BMPR2: variants seen among roughly 807,000 people sequenced by gnomAD.
The protein encoded by BMPR2 is bone morphogenetic protein receptor type 2.
A neutral mutation model predicts 100.8 loss-of-function variants in BMPR2; 29 were observed. The ratio of observed to expected loss-of-function variants is 0.29; its 90% confidence interval spans 0.21 to 0.39. The LOEUF (loss-of-function observed/expected upper bound fraction) is 0.39, where lower values mean the gene tolerates loss of function less well. Ranked by LOEUF, BMPR2 falls within the 10% of genes least tolerant of loss-of-function variation. The pLI is 1.00. For synonymous variants in BMPR2, 382 were observed against 442.3 expected, an observed-to-expected ratio of 0.86 and a Z score of 1.71; for missense variants, 1,011 against 1,274.5, an observed-to-expected ratio of 0.79 and a Z score of 3.15.
At chr2:202,393,547 C>T (rs1242937508) in intron 1 of BMPR2, among the ~76,000 whole-genome samples, 1 of 152,150 alleles carries the variant, frequency 6.6e-6, no homozygotes, top group African/African-American at 2.4e-5. Flanking sequence ...CCTCCTGACT[C>T]AGCCTCCCAA....
In BMPR2 at chr2:202,376,531, G is replaced by C. The variant is rs1318089040; in HGVS notation, c.-944G>C. ...GAACGAGGCGGCGGCGGCGGCGGCG[G>C]CGGCGGCGGCGGCGGCAGCAGCAGC... On this transcript the variant is annotated 5_prime_UTR_variant, in exon 1 of 13. Transcript: ENST00000374580. 7.0e-6 allele frequency among the ~76,000 whole-genome samples: 1 copy of C among 143,050 alleles called. No individual in the cohort carries two copies. Among genetic ancestry groups the C allele is most frequent in the Non-Finnish European group, 1.5e-5 (1 of 65,684 alleles). 93.8% of individuals were successfully genotyped at this position (143,050 alleles called of 152,430 possible).
In BMPR2 at chr2:202,425,491, A is replaced by G. The variant is rs149664018; in HGVS notation, c.77-39318A>G. The stretch of plus-strand genomic sequence containing the variant: ...AGAGTATGTTATAATCTGTTTACAC[A>G]TTGAGTTGGGTTACAGTTCACTATA... On this transcript the variant is annotated intron_variant, in intron 1 of 12. Transcript: ENST00000374580. Among the ~76,000 whole-genome samples the G allele has an allele frequency of 3.3e-4, 50 of 152,344 alleles. 1 individual carries two copies. Among genetic ancestry groups the G allele is most frequent in the Admixed American group, 8.5e-4 (13 of 15,286 alleles).
At chr2:202,433,936 C>A (rs1224763172) in intron 1 of BMPR2, among the ~76,000 whole-genome samples, 1 of 150,420 alleles carries the variant, frequency 6.6e-6, no homozygotes, top group Non-Finnish European at 1.5e-5. Flanking sequence ...AAGGACAGGA[C>A]AGTGTTAAAG....
At chr2:202,441,220 A>G (rs958143722) in intron 1 of BMPR2, among the ~76,000 whole-genome samples, 1 of 150,186 alleles carries the variant, frequency 6.7e-6, no homozygotes, top group South Asian at 2.1e-4. Flanking sequence ...AGCTCAGGCA[A>G]TCCACCCACC....
In BMPR2 at chr2:202,376,832, G is replaced by A. The variant is rs1690157321; in HGVS notation, c.-643G>A. ...CCAGGGCCTCCCCAACCCTCTCACG[G>A]TTGTTCTGCGAAGGCGTGGGGACTG... On this transcript the variant is annotated 5_prime_UTR_variant, in exon 1 of 13. Transcript: ENST00000374580. 1 of 404,358 alleles carries A rather than the reference G, an allele frequency of 2.5e-6. No homozygotes were observed. The highest frequency in any genetic ancestry group is 1.3e-4 in the South Asian group (1 of 7,720). The allele number at this position is 404,358 out of a possible 1,614,324, so 25.0% of individuals were successfully genotyped here. A position where few individuals can be genotyped will look rare whatever the true frequency, so the allele number is the denominator to read the frequency against.
chr2:202,494,110 T>C (rs565100955), intron 3 of BMPR2, among the ~76,000 whole-genome samples: 50 of 152,346 alleles, frequency 3.3e-4, no homozygotes, highest in Non-Finnish European at 6.0e-4. Context: ...TATAAAAACA[T>C]TTGTTCAAAA....
intron 1 of BMPR2, among the ~76,000 whole-genome samples, chr2:202,402,724 T>C (rs1016275176): frequency 6.6e-6 from 1 of 150,826 alleles, no homozygotes; most frequent in Non-Finnish European, 1.5e-5. Context: ...TGGAGTGCGG[T>C]GGCATGATCT....
rs536386703 is a variant in BMPR2 at position 202,449,852 on chromosome 2, C to G, written c.77-14957C>G. On this transcript the variant is annotated intron_variant, in intron 1 of 12. Coordinates refer to ENST00000374580, the MANE Select transcript of BMPR2 (RefSeq NM_001204.7). ...GTGGCTCACGCCTGTAATCCCAACA[C>G]TTTGGGATTACACCCAGATGAGGTG... Among the ~76,000 whole-genome samples, 11 of 152,160 alleles carry G rather than the reference C, an allele frequency of 7.2e-5. No homozygotes were observed. The South Asian group carries it at 2.3e-3, about 32-fold the overall frequency.
At chr2:202,426,493 T>TG (rs981856520) in intron 1 of BMPR2, among the ~76,000 whole-genome samples, 11 of 137,730 alleles carry the variant, frequency 8.0e-5, no homozygotes, top group Non-Finnish European at 1.2e-4. Context: ...CGCTTGAACC[T>TG]GGGAGGTGGA....
chr2:202,474,486 C>CAA (rs1251243569), intron 3 of BMPR2, among the ~76,000 whole-genome samples: 1 of 151,988 alleles, frequency 6.6e-6, no homozygotes, highest in East Asian at 1.9e-4. Flanking sequence ...CAAAACAAAA[C>CAA]AAAAAAGTGG....
intron 5 of BMPR2, among the ~76,000 whole-genome samples, chr2:202,518,224 G>A (rs1687753181): frequency 7.1e-6 from 1 of 141,716 alleles, no homozygotes; most frequent in South Asian, 2.2e-4. Flanking sequence ...TGCAACCTCC[G>A]TTTCCTGGGT....
At chr2:202,396,837 G>C in intron 1 of BMPR2, among the ~76,000 whole-genome samples, 1 of 151,436 alleles carries the variant, frequency 6.6e-6, no homozygotes, top group East Asian at 1.9e-4. Flanking sequence ...CGCTCTTCTT[G>C]CCCAGGCTGG....
At chr2:202,541,445 T>A (rs1416251720) in intron 9 of BMPR2, among the ~76,000 whole-genome samples, 1 of 152,182 alleles carries the variant, frequency 6.6e-6, no homozygotes, top group South Asian at 2.1e-4. Flanking sequence ...AAAATTTTTT[T>A]AAAGTATATT....
chr2:202,389,887 G>A (rs995578534), intron 1 of BMPR2, among the ~76,000 whole-genome samples: 4 of 151,592 alleles, frequency 2.6e-5, no homozygotes, highest in African/African-American at 7.3e-5. Context: ...TGATCCGCCC[G>A]CCTCAGCCTC....
At chr2:202,418,075 C>T (rs1487573963) in intron 1 of BMPR2, among the ~76,000 whole-genome samples, 1 of 152,044 alleles carries the variant, frequency 6.6e-6, no homozygotes, top group Non-Finnish European at 1.5e-5. Context: ...ACAGTATAAA[C>T]ATAACTTATA....
chr2:202,418,471 C>T (rs982020519), intron 1 of BMPR2, among the ~76,000 whole-genome samples: 8 of 152,140 alleles, frequency 5.3e-5, no homozygotes, highest in Admixed American at 2.6e-4. Flanking sequence ...ATATGAGTGA[C>T]CAAGGGCCCA....
chr2:202,391,581 C>T (rs1325026946), intron 1 of BMPR2, among the ~76,000 whole-genome samples: 1 of 150,262 alleles, frequency 6.7e-6, no homozygotes, highest in Non-Finnish European at 1.5e-5. Flanking sequence ...CATGCACCAA[C>T]ACACCTGACC....
intron 1 of BMPR2, among the ~76,000 whole-genome samples, chr2:202,399,362 G>C (rs1690715385): frequency 6.6e-6 from 1 of 152,122 alleles, no homozygotes; most frequent in Non-Finnish European, 1.5e-5. Flanking sequence ...AAGTGTAAAG[G>C]CTAGGAGGTA....
rs1323700548 is a variant in BMPR2 at position 202,550,970 on chromosome 2, T to C, written c.1414-1746T>C. On this transcript the variant is annotated intron_variant, in intron 10 of 12. Transcript: ENST00000374580. ...AGCTTTTTTTTTTTTTTTTTTTTTT[T>C]TTTTGAGCCAGAGCCTTGCTCTGTC... Among the ~76,000 whole-genome samples the C allele has an allele frequency of 9.7e-5, 14 of 143,994 alleles. No homozygotes were observed. The Admixed American group carries it at 9.8e-4, about 10-fold the overall frequency. 94.5% of individuals were successfully genotyped at this position (143,994 alleles called of 152,430 possible). A position where few individuals can be genotyped will look rare whatever the true frequency, so the allele number is the denominator to read the frequency against.
Sources: gnomAD v4.1 joint callset for allele counts (sites outside exome capture counted in the v4.1 genomes callset) on GRCh38, gnomAD v4.1.1 for gene constraint, MANE v1.5 for transcripts, NCBI Gene and HGNC (gene_info 2026-07-23, HGNC 2026-07-21) for gene names.